The following MOB4 variants were observed in gnomAD, a reference collection of about 807,000 sequenced individuals.
The protein encoded by MOB4 is MOB family member 4, phocein.
A neutral mutation model predicts 32.2 loss-of-function variants in MOB4; 4 were observed. The ratio of observed to expected loss-of-function variants is 0.12; its 90% confidence interval spans 0.06 to 0.28. MOB4 has a LOEUF of 0.28. Among genes scored for constraint, MOB4 ranks in the 10% least tolerant of loss-of-function variants. MOB4 has a pLI of 1.00. For missense variants in MOB4, 158 were observed against 271.2 expected, an observed-to-expected ratio of 0.58 and a Z score of 2.93; for synonymous variants, 88 against 88.1, an observed-to-expected ratio of 1.00 and a Z score of 0.01.
At chr2:197,520,329 T>C (rs1449610254) in intron 1 of MOB4, among the ~76,000 whole-genome samples, 1 of 151,976 alleles carries the variant, frequency 6.6e-6, no homozygotes, top group Non-Finnish European at 1.5e-5. Context: ...TTCATAGAGA[T>C]GGGGTTTCAC....
intron 2 of MOB4, among the ~76,000 whole-genome samples, chr2:197,525,930 T>C (rs1311388083): frequency 6.6e-6 from 1 of 152,198 alleles, no homozygotes; most frequent in Non-Finnish European, 1.5e-5. Context: ...TTTGTTCATT[T>C]ATTCTCACAG....
chr2:197,535,346 A>C (rs190236738), intron 2 of MOB4, among the ~76,000 whole-genome samples, 184 bp from the exon 3 acceptor site: 1 of 152,194 alleles, frequency 6.6e-6, no homozygotes, highest in Non-Finnish European at 1.5e-5. Context: ...TGAAGGATAA[A>C]TAAGTAAGGG....
At chr2:197,521,110 T>A (rs2086509810) in intron 1 of MOB4, among the ~76,000 whole-genome samples, 1 of 152,126 alleles carries the variant, frequency 6.6e-6, no homozygotes, top group Admixed American at 6.6e-5. Context: ...TAAACATTTG[T>A]ATCGGGGAAC....
intron 2 of MOB4, among the ~76,000 whole-genome samples, chr2:197,531,648 C>T (rs1337497390): frequency 6.6e-6 from 1 of 152,090 alleles, no homozygotes; most frequent in Non-Finnish European, 1.5e-5. Context: ...TCACTGCAAC[C>T]TCTGCTTCCC....
intron 5 of MOB4, 71 bp downstream of exon 5, chr2:197,540,508 C>A (rs2086878476): frequency 1.4e-6 from 2 of 1,399,682 alleles, no homozygotes; most frequent in Non-Finnish European, 1.9e-6. Flanking sequence ...CAATGTTAGA[C>A]AAGTTTTTAG....
intron 2 of MOB4, among the ~76,000 whole-genome samples, chr2:197,533,088 G>A (rs894065242): frequency 6.6e-6 from 1 of 151,860 alleles, no homozygotes. Flanking sequence ...GACAGAGTGA[G>A]ACTCTATCTC....
At chr2:197,544,151 TA>T (rs1297930273) in intron 5 of MOB4, among the ~76,000 whole-genome samples, 2 of 152,176 alleles carry the variant, frequency 1.3e-5, no homozygotes, top group Non-Finnish European at 2.9e-5. Context: ...TGCCTCACTG[TA>T]GCCCCCACCT....
intron 5 of MOB4, among the ~76,000 whole-genome samples, chr2:197,541,049 C>T (rs1056299670): frequency 1.4e-4 from 21 of 151,864 alleles, no homozygotes; most frequent in African/African-American, 4.3e-4. Flanking sequence ...TACAGGCATG[C>T]GCTATCATGC....
In MOB4 at chr2:197,552,654, A is replaced by G. The variant is rs981195430; in HGVS notation, c.*2008A>G. 10 of 152,354 alleles carry G rather than the reference A, an allele frequency of 6.6e-5. No homozygotes were observed. The highest frequency in any genetic ancestry group is 2.4e-4 in the African/African-American group (10 of 41,464). The allele number at this position is 152,354 out of a possible 1,614,324, so 9.4% of individuals were successfully genotyped here. On this transcript the variant is annotated 3_prime_UTR_variant, in exon 8 of 8. Transcript: ENST00000323303. Reference sequence around the variant, plus strand: ...TAGTCTTGCTTTTGTATTCATGTTGATAATCTTACTAATTGTGAAGTTGAT... The same window carrying G: ...TAGTCTTGCTTTTGTATTCATGTTGGTAATCTTACTAATTGTGAAGTTGAT...
intron 5 of MOB4, 27 bp downstream of exon 5, chr2:197,540,464 A>G: frequency 1.3e-6 from 2 of 1,541,350 alleles, no homozygotes; most frequent in South Asian, 1.3e-5. Context: ...TAGAGTAACT[A>G]ATAAAATTAT....
chr2:197,529,189 G>A (rs919050743), intron 2 of MOB4, among the ~76,000 whole-genome samples: 4 of 151,804 alleles, frequency 2.6e-5, no homozygotes, highest in African/African-American at 9.7e-5. Context: ...TGTTGGTCAA[G>A]CTGGTCTTGA....
intron 2 of MOB4, among the ~76,000 whole-genome samples, chr2:197,530,485 G>A (rs745687873): frequency 6.6e-6 from 1 of 151,120 alleles, no homozygotes; most frequent in South Asian, 2.1e-4. Flanking sequence ...GGCTGGTCTT[G>A]AACTCTTGGC....
intron 3 of MOB4, among the ~76,000 whole-genome samples, 188 bp from the exon 4 acceptor site, chr2:197,539,923 G>T (rs981855119): frequency 6.6e-6 from 1 of 152,152 alleles, no homozygotes; most frequent in Non-Finnish European, 1.5e-5. Flanking sequence ...TGTTATGAGG[G>T]TTATTGGTTT....
intron 1 of MOB4, chr2:197,516,379 T>G (rs965676037): frequency 7.1e-7 from 1 of 1,412,268 alleles, no homozygotes; most frequent in African/African-American, 1.5e-5. Context: ...GCGGGTGGGG[T>G]CTGCTGGTGG....
intron 5 of MOB4, among the ~76,000 whole-genome samples, chr2:197,544,459 G>A (rs1459626950): frequency 6.6e-6 from 1 of 152,120 alleles, no homozygotes; most frequent in Non-Finnish European, 1.5e-5. Context: ...ATTTAAAAAT[G>A]GTCAAAATAG....
intron 1 of MOB4, among the ~76,000 whole-genome samples, chr2:197,520,299 T>C (rs1285973640): frequency 6.6e-6 from 1 of 151,650 alleles, no homozygotes; most frequent in African/African-American, 2.4e-5. Context: ...CCACCACGCC[T>C]GGCTAATTTT....
chr2:197,526,416 A>C (rs1177230330), intron 2 of MOB4, among the ~76,000 whole-genome samples: 6 of 152,134 alleles, frequency 3.9e-5, no homozygotes, highest in African/African-American at 1.4e-4. Context: ...ACCTGGGTTC[A>C]AGCGATTGTC....
At chr2:197,535,750 C>T in intron 3 of MOB4, 120 bp downstream of exon 3, 1 of 1,150,080 alleles carries the variant, frequency 8.7e-7, no homozygotes, top group Non-Finnish European at 1.2e-6. Context: ...AATTTTAAAG[C>T]TTTGGCATTT....
rs971754799 is a variant in MOB4, at chr2:197,553,627, GA to G, written c.*2983del. ...ATACTTTATTTTGTGAATCCTTGTTGAATGTGCTAAAGGTTTCTTTGTGTAG... is the reference window on the plus strand; with the variant it reads ...ATACTTTATTTTGTGAATCCTTGTTGATGTGCTAAAGGTTTCTTTGTGTAG... On this transcript the variant is annotated 3_prime_UTR_variant, in exon 8 of 8. Transcript: ENST00000323303. 2 of 152,120 alleles carry G rather than the reference GA, an allele frequency of 1.3e-5. No homozygotes were observed. Among genetic ancestry groups the G allele is most frequent in the African/African-American group, 4.8e-5 (2 of 41,432 alleles). The allele number at this position is 152,120 out of a possible 1,614,324, so 9.4% of individuals were successfully genotyped here. A position where few individuals can be genotyped will look rare whatever the true frequency, so the allele number is the denominator to read the frequency against.
Sources: allele counts gnomAD v4.1 joint callset (sites outside exome capture counted in the v4.1 genomes callset), GRCh38; gene constraint gnomAD v4.1.1; transcripts MANE v1.5; gene names NCBI Gene and HGNC (gene_info 2026-07-23, HGNC 2026-07-21).